PODXL2: variants seen among roughly 807,000 people sequenced by gnomAD.
PODXL2 encodes podocalyxin like 2, also known as podocalyxin-like protein 2.
Under a neutral mutation model 53.4 loss-of-function variants are expected in PODXL2, and 17 were observed. That is an observed-to-expected ratio of 0.32 (90% CI 0.22 to 0.48). PODXL2 has a LOEUF of 0.48. PODXL2 is among the 20% of genes least tolerant of loss of function. The pLI is 0.99. For synonymous variants in PODXL2, 311 were observed against 306.7 expected (o/e 1.01, Z -0.15); for missense variants, 673 against 760.0 (o/e 0.89, Z 1.35).
chr3:127,639,190 C>G, intron 1 of PODXL2, 55 bp from the exon 2 acceptor site: 1 of 1,500,734 alleles, frequency 6.7e-7, no homozygotes, highest in Non-Finnish European at 8.9e-7. Context: ...AACCTGGCAC[C>G]AGTCTTGTGT....
Position 127,635,697 on chromosome 3 carries a change from C to T in PODXL2, c.71-3548C>T, listed in dbSNP as rs537379917. On this transcript the variant is annotated intron_variant, in intron 1 of 7. Transcript: ENST00000342480. ...TCACAGACCAGCTGGATTCAGAACT[C>T]TAGGGTGGGCTTAACAGTCTCTGTT... Among the ~76,000 whole-genome samples the T allele has an allele frequency of 3.9e-5, 6 of 152,348 alleles. No individual in the cohort carries two copies. The South Asian group carries it at 1.2e-3, about 32-fold the overall frequency.
intron 5 of PODXL2, 103 bp from the exon 6 acceptor site, chr3:127,669,037 GA>G (rs1236160326): frequency 1.9e-5 from 13 of 684,154 alleles, no homozygotes; most frequent in Non-Finnish European, 3.2e-5. Flanking sequence ...GCCAGGAAGG[GA>G]GACAGAGGCT....
At chr3:127,634,079 T>A (rs1465130777) in intron 1 of PODXL2, among the ~76,000 whole-genome samples, 1 of 152,034 alleles carries the variant, frequency 6.6e-6, no homozygotes, top group Non-Finnish European at 1.5e-5. Flanking sequence ...CCTTCTCGCC[T>A]TTTCAAAGGA....
At chr3:127,644,062 G>A (rs967168335) in intron 2 of PODXL2, among the ~76,000 whole-genome samples, 5 of 152,040 alleles carry the variant, frequency 3.3e-5, no homozygotes, top group African/African-American at 9.7e-5. Context: ...TTGTCATGGC[G>A]GCATCCATTG....
At chr3:127,641,518 AT>A (rs951778196) in intron 2 of PODXL2, among the ~76,000 whole-genome samples, 1 of 150,104 alleles carries the variant, frequency 6.7e-6, no homozygotes, top group Non-Finnish European at 1.5e-5. Context: ...TTATAACTTG[AT>A]TTTTTTTTCT....
rs1376608533 is a variant in PODXL2, at chr3:127,629,349, A to G, written c.70+60A>G. On this transcript the variant is annotated intron_variant, in intron 1 of 7. Transcript: ENST00000342480. The surrounding 1 kb of genome is among the most constrained non-coding windows in gnomAD (Gnocchi z 6.4). ...GGCGGCGGCGTGGGCGCGGTGCTGG[A>G]CAGCTCCCCGGGCCGCCAACAAAGG... 21 of 999,918 alleles carry G rather than the reference A, an allele frequency of 2.1e-5. No individual in the cohort carries two copies. The highest frequency in any genetic ancestry group is 1.0e-4 in the East Asian group (1 of 9,872). The allele number at this position is 999,918 out of a possible 1,614,324, so 61.9% of individuals were successfully genotyped here. A position where few individuals can be genotyped will look rare whatever the true frequency, so the allele number is the denominator to read the frequency against.
chr3:127,644,853 A>G (rs990998855), intron 2 of PODXL2, among the ~76,000 whole-genome samples: 1 of 152,038 alleles, frequency 6.6e-6, no homozygotes, highest in Non-Finnish European at 1.5e-5. Flanking sequence ...GAGGAGGTGC[A>G]GGGAGGAGGC....
chr3:127,637,215 G>T (rs1443583912), intron 1 of PODXL2, among the ~76,000 whole-genome samples: 2 of 152,204 alleles, frequency 1.3e-5, no homozygotes, highest in African/African-American at 4.8e-5. Context: ...GATCTTAGAG[G>T]TTGGCACAGA....
chr3:127,657,615 C>G (rs2074733543), intron 2 of PODXL2, among the ~76,000 whole-genome samples: 2 of 152,198 alleles, frequency 1.3e-5, no homozygotes, highest in African/African-American at 2.4e-5. Context: ...TTTGCACTTT[C>G]ATTCATCTAC....
At chr3:127,640,871 AT>A (rs2074614085) in intron 2 of PODXL2, among the ~76,000 whole-genome samples, 3 of 152,150 alleles carry the variant, frequency 2.0e-5, no homozygotes, top group Admixed American at 2.0e-4. Context: ...ATATTTCCGC[AT>A]TGTTAAATAT....
Position 127,660,639 on chromosome 3 carries a change from G to A in PODXL2, c.611G>A (p.Arg204His), listed in dbSNP as rs764073288. 1.4e-4 allele frequency: 229 copies of A among 1,614,082 alleles called. 4 individuals are homozygous for A. In the South Asian group the frequency reaches 2.2e-3, roughly 16 times the overall value. The change falls in exon 3 of 8, where the codon CGT becomes CAT. Residue 204 changes from arginine (R) to histidine (H), a missense_variant. Physicochemically the swap from Arg to His is conservative, Grantham distance 29. This residue lies in a region of PODXL2 where 588 missense variants were observed against 668.3 expected (regional missense o/e 0.88). Coordinates refer to ENST00000342480, the MANE Select transcript of PODXL2 (RefSeq NM_015720.4). ...CAAGAAGAAGCCAAGCCTCAGGTCCGTGACTTTTCTCTCACCAGCAGCAGC... is the reference window on the plus strand; with the variant it reads ...CAAGAAGAAGCCAAGCCTCAGGTCCATGACTTTTCTCTCACCAGCAGCAGC... ...GSQEEAKPQV[R>H]DFSLTSSSQT...
At chr3:127,671,635 G>A (rs1419649424) in intron 7 of PODXL2, 22 bp downstream of exon 7, 11 of 1,608,080 alleles carry the variant, frequency 6.8e-6, no homozygotes, top group Non-Finnish European at 9.3e-6. Context: ...GACAGGTGGG[G>A]CTGGGGGCCA....
rs544439095 is a variant in PODXL2 at position 127,638,405 on chromosome 3, C to T, written c.71-840C>T. Among the ~76,000 whole-genome samples, 4 of 152,268 alleles carry T rather than the reference C, an allele frequency of 2.6e-5. No homozygotes were observed. In the East Asian group the frequency reaches 7.7e-4, roughly 29 times the overall value. Reference sequence around the variant, plus strand: ...GGGTTGAGTTTGAACTGTGACCTCACGTGGTTTTTTAAAAGACTACGTTCA... The same window carrying T: ...GGGTTGAGTTTGAACTGTGACCTCATGTGGTTTTTTAAAAGACTACGTTCA... On this transcript the variant is annotated intron_variant, in intron 1 of 7. Coordinates refer to ENST00000342480, the MANE Select transcript of PODXL2 (RefSeq NM_015720.4).
rs2074527045 is a variant in PODXL2, at chr3:127,629,422, C to T, written c.70+133C>T. 2 of 708,830 alleles carry T rather than the reference C, an allele frequency of 2.8e-6. No homozygotes were observed. Among genetic ancestry groups the T allele is most frequent in the East Asian group, 1.3e-4 (1 of 7,568 alleles). 43.9% of individuals were successfully genotyped at this position (708,830 alleles called of 1,614,324 possible). On this transcript the variant is annotated intron_variant, in intron 1 of 7. Transcript: ENST00000342480. This position sits in a 1 kb window ranked among gnomAD's most constrained non-coding sequence, Gnocchi z 6.4. ...GAGCGCGCGTGTCCCGGCCGGGCCGCGGCGCCGCCCCGACACACGCGCACG... is the reference window on the plus strand; with the variant it reads ...GAGCGCGCGTGTCCCGGCCGGGCCGTGGCGCCGCCCCGACACACGCGCACG...
At chr3:127,642,983 G>C (rs2074630251) in intron 2 of PODXL2, among the ~76,000 whole-genome samples, 1 of 152,162 alleles carries the variant, frequency 6.6e-6, no homozygotes, top group African/African-American at 2.4e-5. Context: ...CGAGCACTCA[G>C]CTCAGTGCTT....
intron 2 of PODXL2, among the ~76,000 whole-genome samples, chr3:127,648,989 G>A (rs1188558956): frequency 6.6e-6 from 1 of 151,756 alleles, no homozygotes; most frequent in African/African-American, 2.4e-5. Flanking sequence ...ACGGGGTTTT[G>A]TCATGTTGGC....
chr3:127,656,462 C>T (rs547086297), intron 2 of PODXL2, among the ~76,000 whole-genome samples: 58 of 151,964 alleles, frequency 3.8e-4, no homozygotes, highest in African/African-American at 1.3e-3. Context: ...AGGTGTTGGG[C>T]GCGGTGGTTC....
chr3:127,630,612 T>C (rs942815537), intron 1 of PODXL2, among the ~76,000 whole-genome samples: 14 of 152,138 alleles, frequency 9.2e-5, no homozygotes, highest in African/African-American at 3.4e-4. Flanking sequence ...AGTGGCAGAA[T>C]CCCAGGGTAA....
At chr3:127,666,553 G>T (rs1250096595) in intron 4 of PODXL2, among the ~76,000 whole-genome samples, 2 of 152,142 alleles carry the variant, frequency 1.3e-5, no homozygotes, top group Non-Finnish European at 2.9e-5. Context: ...GACCACAGAT[G>T]TGCACCACCA....
Sources: allele counts gnomAD v4.1 joint callset (sites outside exome capture counted in the v4.1 genomes callset), GRCh38; gene constraint gnomAD v4.1.1; regional missense constraint gnomAD v4.1.1; non-coding constraint Gnocchi (gnomAD v3.1); transcripts MANE v1.5; gene names NCBI Gene and HGNC (gene_info 2026-07-23, HGNC 2026-07-21).